PAK3: variants seen among roughly 807,000 people sequenced by gnomAD.
The protein encoded by PAK3 is serine/threonine-protein kinase PAK 3.
Under a neutral mutation model 41.0 loss-of-function variants are expected in PAK3, and 4 were observed. That is an observed-to-expected ratio of 0.10 (90% CI 0.05 to 0.22). The LOEUF (loss-of-function observed/expected upper bound fraction) is 0.22. PAK3 is among the 10% of genes least tolerant of loss of function. The pLI is 1.00. For missense variants in PAK3, 205 were observed against 409.9 expected, an observed-to-expected ratio of 0.50 and a Z score of 4.32; for synonymous variants, 146 against 139.6, an observed-to-expected ratio of 1.05 and a Z score of -0.32.
chrX:111,156,547 G>C (rs758520376), intron 8 of PAK3, among the ~76,000 whole-genome samples: 1 of 112,075 alleles, frequency 8.9e-6, no homozygotes, highest in African/African-American at 3.2e-5. Context: ...TTCGCAATGT[G>C]TATGTCTTTT....
At chrX:111,169,453 G>A (rs966689897) in intron 10 of PAK3, 1 of 120,183 alleles carries the variant, frequency 8.3e-6, no homozygotes, top group African/African-American at 3.2e-5. Context: ...CAAATAGATA[G>A]ATATAGACAT....
chrX:111,023,139 G>A (rs764588100), intron 1 of PAK3, among the ~76,000 whole-genome samples: 77 of 111,336 alleles, frequency 6.9e-4, no homozygotes, highest in Admixed American at 2.7e-3. Context: ...AGAACACACG[G>A]TGTTTGGTTT....
chrX:110,999,747 G>A (rs1311495333), intron 1 of PAK3, among the ~76,000 whole-genome samples: 2 of 109,638 alleles, frequency 1.8e-5, no homozygotes, highest in Admixed American at 1.9e-4. Flanking sequence ...GCCAAGGCAG[G>A]TGGATCACTT....
intron 1 of PAK3, among the ~76,000 whole-genome samples, chrX:111,020,635 G>A (rs186269734): frequency 3.7e-3 from 411 of 111,459 alleles, no homozygotes; most frequent in Admixed American, 5.9e-3. Context: ...ACATACCAGG[G>A]AAGCCGAGAG....
chrX:110,958,522 G>A lies in PAK3; in HGVS notation c.-28+13894G>A, dbSNP rs750899408. Among the ~76,000 whole-genome samples, 10 of 111,438 alleles carry A rather than the reference G, an allele frequency of 9.0e-5. No homozygotes were observed. In the South Asian group the frequency reaches 3.4e-3, roughly 38 times the overall value. On this transcript the variant is annotated intron_variant, in intron 1 of 14. Transcript: ENST00000425146. Reference sequence around the variant, plus strand: ...GGCAAATGCAGCATGTGTTTCAAAAGAGCTTGCTACTAGACTGGATATAAG... The same window carrying A: ...GGCAAATGCAGCATGTGTTTCAAAAAAGCTTGCTACTAGACTGGATATAAG...
intron 5 of PAK3, among the ~76,000 whole-genome samples, chrX:111,137,608 G>A (rs1208490226): frequency 9.0e-6 from 1 of 111,450 alleles, no homozygotes; most frequent in Non-Finnish European, 1.9e-5. Flanking sequence ...ACATTGGGGT[G>A]GGCATATAAA....
At chrX:111,022,921 T>C (rs1249142890) in intron 1 of PAK3, among the ~76,000 whole-genome samples, 1 of 110,802 alleles carries the variant, frequency 9.0e-6, no homozygotes. Flanking sequence ...CTTTAAGTTC[T>C]GGGGTACATG....
chrX:111,014,641 G>A (rs185190718), intron 1 of PAK3, among the ~76,000 whole-genome samples: 5 of 111,481 alleles, frequency 4.5e-5, no homozygotes, highest in South Asian at 3.8e-4. Flanking sequence ...TCAGCCGTTC[G>A]TTCTGCTCTC....
intron 1 of PAK3, among the ~76,000 whole-genome samples, chrX:111,020,596 G>T (rs780960351): frequency 9.0e-6 from 1 of 111,441 alleles, no homozygotes; most frequent in South Asian, 3.9e-4. Flanking sequence ...CTCTCATCAT[G>T]AACTTTTGCT....
intron 1 of PAK3, among the ~76,000 whole-genome samples, chrX:110,996,525 A>G (rs2091742619): frequency 8.9e-6 from 1 of 112,032 alleles, no homozygotes; most frequent in South Asian, 3.7e-4. Context: ...ATAGTATCTG[A>G]AGATGTGGCT....
chrX:111,160,993 G>A (rs1376774007), intron 8 of PAK3, among the ~76,000 whole-genome samples: 1 of 111,626 alleles, frequency 9.0e-6, no homozygotes, highest in East Asian at 2.8e-4. Context: ...TAATGGGATG[G>A]CTGGGTCAAA....
chrX:111,209,186 G>C (rs908038277), intron 16 of PAK3, among the ~76,000 whole-genome samples: 4 of 111,225 alleles, frequency 3.6e-5, no homozygotes, highest in African/African-American at 1.3e-4. Flanking sequence ...TCCCATAACA[G>C]AGACTGGGAA....
At chrX:110,972,632 C>T (rs188471856) in intron 1 of PAK3, among the ~76,000 whole-genome samples, 112 of 111,843 alleles carry the variant, frequency 1.0e-3, no homozygotes, top group Middle Eastern at 4.6e-3. Context: ...GGGGAAAATT[C>T]TAAAAATCAG....
At chrX:110,993,828 CA>C (rs1291543615) in intron 1 of PAK3, among the ~76,000 whole-genome samples, 1 of 111,474 alleles carries the variant, frequency 9.0e-6, no homozygotes, top group Admixed American at 9.5e-5. Context: ...ATACAAAATA[CA>C]AAGGGAAATT....
intron 1 of PAK3, among the ~76,000 whole-genome samples, chrX:111,021,180 C>T (rs1365281735): frequency 1.8e-5 from 2 of 111,981 alleles, no homozygotes; most frequent in African/African-American, 6.5e-5. Context: ...CTTGTAGGGC[C>T]ACAGTTGATG....
intron 1 of PAK3, among the ~76,000 whole-genome samples, chrX:110,987,335 G>A (rs1424932750): frequency 8.9e-6 from 1 of 112,587 alleles, no homozygotes; most frequent in African/African-American, 3.2e-5. Context: ...TGTGGATGGA[G>A]AGTGTGTTCA....
At chrX:111,107,709 A>G (rs1244943215) in intron 4 of PAK3, among the ~76,000 whole-genome samples, 1 of 112,167 alleles carries the variant, frequency 8.9e-6, no homozygotes, top group Non-Finnish European at 1.9e-5. Flanking sequence ...TCTCTGGAAT[A>G]TAACCCAACT....
intron 16 of PAK3, among the ~76,000 whole-genome samples, chrX:111,208,196 A>G (rs1272412269): frequency 1.8e-5 from 2 of 113,067 alleles, no homozygotes; most frequent in African/African-American, 6.4e-5. Flanking sequence ...TATTTAAAAA[A>G]TATTTTTGTA....
intron 16 of PAK3, among the ~76,000 whole-genome samples, chrX:111,213,861 T>C (rs1380463015): frequency 8.9e-6 from 1 of 112,223 alleles, no homozygotes; most frequent in African/African-American, 3.2e-5. Flanking sequence ...ATTGACTATA[T>C]CTGCTATGAT....
Sources: allele counts gnomAD v4.1 joint callset (sites outside exome capture counted in the v4.1 genomes callset), GRCh38; gene constraint gnomAD v4.1.1; transcripts MANE v1.5; gene names NCBI Gene and HGNC (gene_info 2026-07-23, HGNC 2026-07-21).